The following SAAL1 variants were observed in gnomAD, a reference collection of about 807,000 sequenced individuals.
The protein encoded by SAAL1 is protein SAAL1.
In SAAL1, 42 loss-of-function variants were observed where a neutral mutation model predicts 59.8. That is an observed-to-expected ratio of 0.70 (90% confidence interval 0.55 to 0.91). The LOEUF (loss-of-function observed/expected upper bound fraction) is 0.91. Ranked by LOEUF, SAAL1 falls within the 40% of genes least tolerant of loss-of-function variation. The probability of loss-of-function intolerance (pLI) is 0.00; values close to 1 mark genes in which losing one functional copy is unlikely to be tolerated. For missense variants in SAAL1, 542 were observed against 561.1 expected (o/e 0.97, Z 0.34); for synonymous variants, 191 against 194.3 (o/e 0.98, Z 0.14).
chr11:18,099,753 G>A (rs1434454462), intron 2 of SAAL1, among the ~76,000 whole-genome samples: 2 of 152,142 alleles, frequency 1.3e-5, no homozygotes, highest in Non-Finnish European at 2.9e-5. Flanking sequence ...CAATGAGAAG[G>A]ATTTTGCCAG....
chr11:18,092,064 C>A (rs1848528816), intron 4 of SAAL1, among the ~76,000 whole-genome samples, 181 bp downstream of exon 4: 1 of 152,152 alleles, frequency 6.6e-6, no homozygotes, highest in Admixed American at 6.5e-5. Context: ...AATCCTGAAT[C>A]ATTTCAGTAT....
Position 18,081,798 on chromosome 11 carries a change from C to T in SAAL1, c.1240-295G>A, listed in dbSNP as rs146006289. 6.4e-5 allele frequency: 20 copies of T among 311,644 alleles called. No individual in the cohort carries two copies. In the Middle Eastern group the frequency reaches 2.8e-3, roughly 44 times the overall value. 19.3% of individuals were successfully genotyped at this position (311,644 alleles called of 1,614,324 possible). A position where few individuals can be genotyped will look rare whatever the true frequency, so the allele number is the denominator to read the frequency against. On this transcript the variant is annotated intron_variant, in intron 10 of 11. Transcript: ENST00000524803. ...GACTCCTCCCGGCAAGTGCTCAATT[C>T]TATTCTACCAAATCTCTCTTACCCC...
chr11:18,096,880 T>A (rs771003381), intron 2 of SAAL1, 26 bp from the exon 3 acceptor site: 2 of 1,198,524 alleles, frequency 1.7e-6, no homozygotes, highest in Non-Finnish European at 1.2e-6. Flanking sequence ...ATTATTAACT[T>A]GGATGTTGAA....
At chr11:18,105,246 T>C (rs1489640845) in intron 1 of SAAL1, among the ~76,000 whole-genome samples, 3 of 151,580 alleles carry the variant, frequency 2.0e-5, no homozygotes, top group Non-Finnish European at 4.4e-5. Context: ...CATAGCTCAC[T>C]GCAGCCTCCA....
intron 2 of SAAL1, among the ~76,000 whole-genome samples, chr11:18,099,416 C>T (rs1467363460): frequency 2.6e-5 from 4 of 152,126 alleles, no homozygotes; most frequent in Non-Finnish European, 2.9e-5. Context: ...TAAATAAGGG[C>T]TCAGTCCCAT....
At chr11:18,091,749 C>A (rs1349100202) in intron 4 of SAAL1, among the ~76,000 whole-genome samples, 1 of 152,204 alleles carries the variant, frequency 6.6e-6, no homozygotes, top group African/African-American at 2.4e-5. Flanking sequence ...CAGAACTTTA[C>A]ACATGGAGAA....
At chr11:18,097,762 C>G (rs1297745693) in intron 2 of SAAL1, among the ~76,000 whole-genome samples, 1 of 151,714 alleles carries the variant, frequency 6.6e-6, no homozygotes, top group Non-Finnish European at 1.5e-5. Flanking sequence ...TCACTTGAGC[C>G]TGGGGAGCTC....
chr11:18,087,481 A>T (rs186358962), intron 7 of SAAL1, among the ~76,000 whole-genome samples: 16 of 152,344 alleles, frequency 1.1e-4, no homozygotes, highest in African/African-American at 2.4e-4. Context: ...TTTTGGCTCT[A>T]TCTCATAAAA....
chr11:18,105,453 G>A lies in SAAL1; in HGVS notation c.135+454C>T, dbSNP rs1044651274. Among the ~76,000 whole-genome samples the A allele has an allele frequency of 1.3e-4, 19 of 149,692 alleles. No individual in the cohort carries two copies. The East Asian group carries it at 3.1e-3, about 24-fold the overall frequency. On this transcript the variant is annotated intron_variant, in intron 1 of 11. Transcript: ENST00000524803. ...CTCCCAAAGTGTTGGGATTACAGAG[G>A]TGAGCCACCGCGCCTGGTCAGAAGC...
chr11:18,097,147 G>A (rs947632925), intron 2 of SAAL1, among the ~76,000 whole-genome samples: 1 of 152,154 alleles, frequency 6.6e-6, no homozygotes, highest in South Asian at 2.1e-4. Flanking sequence ...TGAGGCAGGC[G>A]AATCGCTAGA....
chr11:18,083,658 G>A lies in SAAL1; in HGVS notation c.1116C>T (p.Asn372=). Residue 372 remains asparagine (N), a synonymous_variant, in exon 10 of 12, where the codon AAC becomes AAT. Transcript: ENST00000524803. Reference sequence around the variant, plus strand: ...TTTCCTCTGTGTTAGACTCTGCCGAGTTCTCTGGTTTTTTCTGACACTGTT... The same window carrying A: ...TTTCCTCTGTGTTAGACTCTGCCGAATTCTCTGGTTTTTTCTGACACTGTT... ...NMEQCQKKPE[N]SAESNTEETK... 2 of 1,611,704 alleles carry A rather than the reference G, an allele frequency of 1.2e-6. No individual in the cohort carries two copies. The highest frequency in any genetic ancestry group is 1.7e-6 in the Non-Finnish European group (2 of 1,178,342).
intron 2 of SAAL1, among the ~76,000 whole-genome samples, chr11:18,098,367 T>G (rs773968996): frequency 2.6e-5 from 4 of 152,194 alleles, no homozygotes; most frequent in African/African-American, 9.6e-5. Context: ...AGGTGACATG[T>G]GAGTGGACAT....
In SAAL1 at chr11:18,087,237, A is replaced by G; in HGVS notation, c.771-12T>C. The G allele has an allele frequency of 6.4e-7, 1 of 1,568,012 alleles. No individual in the cohort carries two copies. Among genetic ancestry groups the G allele is most frequent in the Non-Finnish European group, 8.8e-7 (1 of 1,138,552 alleles). On this transcript the variant is annotated splice_polypyrimidine_tract_variant and intron_variant, in intron 7 of 11. Coordinates refer to ENST00000524803, the MANE Select transcript of SAAL1 (RefSeq NM_138421.3). ...CTGGATTTTCAGAACTAAATAGGAA[A>G]AGTAAAAGCACTGAATCAACAACTT...
Position 18,103,249 on chromosome 11 carries a change from T to A in SAAL1, c.233A>T (p.Asp78Val). ...GCCTCATACCTCATCCATTGACATA[T>A]CCCATACTCTGCAAATTTCATTCTC... ...EMENEICRVW[D>V]MSMDEDVALF... The change falls in exon 2 of 12, where the codon GAT (aspartate) becomes GTT (valine). Residue 78 changes from aspartate (D) to valine (V), a missense_variant. Transcript: ENST00000524803. 1 of 1,610,536 alleles carries A rather than the reference T, an allele frequency of 6.2e-7. No individual in the cohort carries two copies. Among genetic ancestry groups the A allele is most frequent in the East Asian group, 2.2e-5 (1 of 44,882 alleles).
intron 4 of SAAL1, 114 bp downstream of exon 4, chr11:18,092,131 C>A: frequency 1.7e-6 from 1 of 600,628 alleles, no homozygotes; most frequent in Non-Finnish European, 2.9e-6. Context: ...ACAGAGTGTT[C>A]ATCAAGACAA....
At position 18,096,835 on chromosome 11, in the gene SAAL1, T is replaced by C; in HGVS notation, c.269A>G (p.Gln90Arg). The part of the protein sequence containing the change: ...SMDEDVALFL[Q>R]EFNAPDIFMG... ...GAATATATCAGGAGCATTAAATTCT[T>C]GGAGAAATAAAGCCACGTCCTGAAA... Residue 90 changes from glutamine to arginine, a missense_variant, in exon 3 of 12, where the codon CAA becomes CGA. Coordinates refer to ENST00000524803, the MANE Select transcript of SAAL1 (RefSeq NM_138421.3). 1.3e-6 allele frequency: 2 copies of C among 1,580,978 alleles called. No individual in the cohort carries two copies. The highest frequency in any genetic ancestry group is 1.7e-6 in the Non-Finnish European group (2 of 1,158,870).
chr11:18,083,681 G>A lies in SAAL1; in HGVS notation c.1093C>T (p.Gln365Ter). The change falls in exon 10 of 12, where the codon CAG becomes TAG. Residue 365 changes from glutamine (Q) to a stop codon, truncating the protein, a stop_gained. Transcript: ENST00000524803. LOFTEE classifies it high-confidence loss of function. The stretch of plus-strand genomic sequence containing the variant: ...GAGTTCTCTGGTTTTTTCTGACACT[G>A]TTCCATATTTTGTAAGACCCGAATG... The part of the protein sequence containing the change: ...SLIRVLQNME[Q>*]CQKKPENSAE... 2.5e-6 allele frequency: 4 copies of A among 1,611,432 alleles called. No individual in the cohort carries two copies. The highest frequency in any genetic ancestry group is 1.1e-5 in the South Asian group (1 of 90,458).
chr11:18,081,191 G>GGA (rs1486046335), intron 11 of SAAL1, among the ~76,000 whole-genome samples: 1 of 151,982 alleles, frequency 6.6e-6, no homozygotes, highest in Non-Finnish European at 1.5e-5. Context: ...GCTCCCATTT[G>GGA]TATGTCCATA....
Position 18,103,338 on chromosome 11 carries a change from G to C in SAAL1, c.144C>G (p.Ser48Arg), listed in dbSNP as rs373896935. The C allele has an allele frequency of 4.5e-5, 73 of 1,610,956 alleles. 1 individual carries two copies. Among genetic ancestry groups the C allele is most frequent in the East Asian group, 2.9e-4 (13 of 44,864 alleles). Residue 48 changes from serine (S) to arginine (R), a missense_variant, in exon 2 of 12, where the codon AGC (serine) becomes AGG (arginine). Coordinates refer to ENST00000524803, the MANE Select transcript of SAAL1 (RefSeq NM_138421.3). ...GVLSGLIQIV[S>R]PENTKSSSDD... ...CTGAGCTAGATTTGGTGTTTTCAGG[G>C]CTAACAATCTTCAGAAACACAAAGA...
Sources: allele counts gnomAD v4.1 joint callset (sites outside exome capture counted in the v4.1 genomes callset), GRCh38; gene constraint gnomAD v4.1.1; transcripts MANE v1.5; gene names NCBI Gene and HGNC (gene_info 2026-07-23, HGNC 2026-07-21).